OXNAD1: variants seen among roughly 807,000 people sequenced by gnomAD.
OXNAD1 encodes oxidoreductase NAD-binding domain-containing protein 1.
In OXNAD1, 34 loss-of-function variants were observed where a neutral mutation model predicts 32.9. The ratio of observed to expected loss-of-function variants is 1.03; its 90% CI spans 0.79 to 1.38. The LOEUF is 1.38. Among genes scored for constraint, OXNAD1 ranks in the 40% most tolerant of loss-of-function variants. OXNAD1 has a pLI of 0.00. For synonymous variants in OXNAD1, 134 were observed against 135.2 expected (o/e 0.99, Z 0.06); for missense variants, 407 against 379.4 (o/e 1.07, Z -0.60).
At chr3:16,338,191 G>A (rs904518529), downstream of OXNAD1, among the ~76,000 whole-genome samples, 4 of 152,232 alleles carry the variant, frequency 2.6e-5, no homozygotes, top group African/African-American at 9.7e-5. This position sits in a 1 kb window ranked among gnomAD's most constrained non-coding sequence, Gnocchi z 5.3. Context: ...AAGGGGCTAC[G>A]GGATGGAAGG....
At chr3:16,338,576 TAAAA>T (rs1165932353), downstream of OXNAD1, among the ~76,000 whole-genome samples, 2 of 152,160 alleles carry the variant, frequency 1.3e-5, no homozygotes, top group Admixed American at 6.5e-5. This position sits in a 1 kb window ranked among gnomAD's most constrained non-coding sequence, Gnocchi z 5.3. Flanking sequence ...TGATAACAAT[TAAAA>T]AAGAAACATT....
In OXNAD1 at chr3:16,317,813, C is replaced by T. The variant is rs924934992; in HGVS notation, c.*30+14221C>T. Among the ~76,000 whole-genome samples, 11 of 144,734 alleles carry T rather than the reference C, an allele frequency of 7.6e-5. No homozygotes were observed. Among genetic ancestry groups the T allele is most frequent in the African/African-American group, 3.1e-4 (11 of 35,422 alleles). The allele number at this position is 144,734 out of a possible 152,430, so 95.0% of individuals were successfully genotyped here. ...ACCACCACCTCACAGAAGGGTCACA[C>T]CAGGGCAACCTACAACCAATGACTG... On this transcript the variant is annotated intron_variant, in intron 9 of 9. Transcript: ENST00000435829. This position sits in a 1 kb window ranked among gnomAD's most constrained non-coding sequence, Gnocchi z 4.3.
rs2066201512 is a variant in OXNAD1 at position 16,288,236 on chromosome 3, T to C, written c.290+1788T>C. Among the ~76,000 whole-genome samples the C allele has an allele frequency of 6.6e-6, 1 of 152,152 alleles. No homozygotes were observed. The highest frequency in any genetic ancestry group is 1.5e-5 in the Non-Finnish European group (1 of 68,018). On this transcript the variant is annotated intron_variant, in intron 5 of 8. Transcript: ENST00000285083. This position sits in a 1 kb window ranked among gnomAD's most constrained non-coding sequence, Gnocchi z 5.1. ...TTGGTAGTAACAGCCATGTGGTACT[T>C]TGGAGAAGAGGGCAAGGATTAGGGA...
At chr3:16,281,516 G>GA (rs1255250666) in intron 4 of OXNAD1, among the ~76,000 whole-genome samples, 1 of 151,684 alleles carries the variant, frequency 6.6e-6, no homozygotes, top group South Asian at 2.1e-4. Flanking sequence ...TTCCAAAATT[G>GA]AAAAAAAATT....
At chr3:16,350,519 C>T (rs530457841), downstream of OXNAD1, among the ~76,000 whole-genome samples, 3 of 150,672 alleles carry the variant, frequency 2.0e-5, no homozygotes, top group African/African-American at 7.3e-5. Flanking sequence ...AAGGAAAAGG[C>T]ACTCATCCAT....
In OXNAD1 at chr3:16,345,264, T is replaced by TGTGTGTGTGTGTGTGTGTGTGTGTGTG. The variant is rs1553725944; in HGVS notation, c.*31-3912_*31-3911insGTGTGTGTGTGTGTGTGTGTGTGTGTG. ...AAACTGTAAGATAATAAGTAGGTGG[T>TGTGTGTGTGTGTGTGTGTGTGTGTGTG]TGTGTGTGTGTGTGTGTGTGTGTGT... On this transcript the variant is annotated intron_variant, in intron 9 of 9. Coordinates refer to the OXNAD1 transcript ENST00000606098. The surrounding 1 kb of genome is among the most constrained non-coding windows in gnomAD (Gnocchi z 5.2). 6.9e-6 allele frequency: 1 copy of TGTGTGTGTGTGTGTGTGTGTGTGTGTG among 145,838 alleles called. No homozygotes were observed. The highest frequency in any genetic ancestry group is 2.6e-5 in the African/African-American group (1 of 37,754). 9.0% of individuals were successfully genotyped at this position (145,838 alleles called of 1,614,324 possible). A position where few individuals can be genotyped will look rare whatever the true frequency, so the allele number is the denominator to read the frequency against.
rs1200300664 is a variant in OXNAD1 at position 16,335,938 on chromosome 3, C to T, written c.*31-1174C>T. On this transcript the variant is annotated intron_variant, in intron 9 of 9. Coordinates refer to the OXNAD1 transcript ENST00000435829. The surrounding 1 kb of genome is among the most constrained non-coding windows in gnomAD (Gnocchi z 4.7). ...GGCCGACAGCAAGGACTGGTGGCAG[C>T]TGCTAGTGCAGAGGAGGCAGAGCAT... 2.0e-5 allele frequency among the ~76,000 whole-genome samples: 3 copies of T among 152,250 alleles called. No homozygotes were observed. Among genetic ancestry groups the T allele is most frequent in the African/African-American group, 7.2e-5 (3 of 41,470 alleles).
rs573438362 is a variant in OXNAD1, at chr3:16,289,450, A to G, written c.290+3002A>G. On this transcript the variant is annotated intron_variant, in intron 5 of 8. Coordinates refer to ENST00000285083, the MANE Select transcript of OXNAD1 (RefSeq NM_138381.5). This position sits in a 1 kb window ranked among gnomAD's most constrained non-coding sequence, Gnocchi z 4.9. ...CTGGTCCTAGTGTGTCTGACTTTCTACAAGATAACATAAGTTTAGATGCTA... is the reference window on the plus strand; with the variant it reads ...CTGGTCCTAGTGTGTCTGACTTTCTGCAAGATAACATAAGTTTAGATGCTA... Among the ~76,000 whole-genome samples, 1 of 152,302 alleles carries G rather than the reference A, an allele frequency of 6.6e-6. No individual in the cohort carries two copies. Among genetic ancestry groups the G allele is most frequent in the Admixed American group, 6.5e-5 (1 of 15,300 alleles).
At chr3:16,282,313 T>C (rs113404771) in intron 4 of OXNAD1, among the ~76,000 whole-genome samples, 3 of 152,032 alleles carry the variant, frequency 2.0e-5, no homozygotes, top group African/African-American at 7.2e-5. Flanking sequence ...CTCCCATACT[T>C]TTAAACATGA....
chr3:16,343,145 G>A (rs558549995), intron 9 of OXNAD1, among the ~76,000 whole-genome samples: 36 of 152,294 alleles, frequency 2.4e-4, no homozygotes, highest in African/African-American at 8.2e-4. Flanking sequence ...CAGCCAGAAT[G>A]TGAATTTTTA....
chr3:16,323,089 T>C lies in OXNAD1; in HGVS notation c.*31-14023T>C, dbSNP rs544363241. ...CTGCAGCTGACTTCGTGCCCTTCTT[T>C]TCATCCTAGTGGGAATATCTAGCAG... On this transcript the variant is annotated intron_variant, in intron 9 of 9. Transcript: ENST00000435829. Among the ~76,000 whole-genome samples the C allele has an allele frequency of 5.0e-4, 76 of 152,300 alleles. 2 individuals carry two copies. The South Asian group carries it at 0.015, about 30-fold the overall frequency.
intron 2 of OXNAD1, 130 bp from the exon 3 acceptor site, chr3:16,270,815 T>G: frequency 1.2e-5 from 16 of 1,351,122 alleles, no homozygotes; most frequent in Non-Finnish European, 1.5e-5. Flanking sequence ...TCTTGGCTGC[T>G]TTGGTGGTAA....
Position 16,286,343 on chromosome 3 carries a change from T to C in OXNAD1, c.185T>C (p.Ile62Thr), listed in dbSNP as rs2066070539. Residue 62 changes from isoleucine (I) to threonine (T), a missense_variant and splice_region_variant, in exon 5 of 9, where the codon ATT (isoleucine) becomes ACT (threonine). By Grantham distance (89) the Ile-to-Thr change is moderately conservative. Transcript: ENST00000285083. ...ERTASVLRRE[I>T]VSAAKVCGAA... The stretch of plus-strand genomic sequence containing the variant: ...CCACAGTTCATCTTTTGGTTTTAGA[T>C]TGTGTCAGCAGCTAAGGTGTGTGGA... 1.2e-6 allele frequency: 2 copies of C among 1,612,056 alleles called. No individual in the cohort carries two copies. The highest frequency in any genetic ancestry group is 1.1e-5 in the South Asian group (1 of 91,050).
chr3:16,328,573 C>T lies in OXNAD1; in HGVS notation c.*31-8539C>T, dbSNP rs1574988011. Among the ~76,000 whole-genome samples the T allele has an allele frequency of 3.3e-5, 5 of 152,330 alleles. No homozygotes were observed. The South Asian group carries it at 1.0e-3, about 32-fold the overall frequency. On this transcript the variant is annotated intron_variant, in intron 9 of 9. Coordinates refer to the OXNAD1 transcript ENST00000435829. Reference sequence around the variant, plus strand: ...ATCCCTTGGCAGCCTCCCTTTCCTCCGCTGTATAAAATGGGTACTGGTCTA... The same window carrying T: ...ATCCCTTGGCAGCCTCCCTTTCCTCTGCTGTATAAAATGGGTACTGGTCTA...
rs753571386 is a variant in OXNAD1, at chr3:16,284,252, A to G, written c.184-2090A>G. Among the ~76,000 whole-genome samples the G allele has an allele frequency of 1.8e-4, 28 of 152,232 alleles. No individual in the cohort carries two copies. The highest frequency in any genetic ancestry group is 2.6e-4 in the Non-Finnish European group (18 of 68,038). ...TGGTGGCATATATAGTTATAAATGA[A>G]TAAAATGTAATATATAATGTAAACA... is the stretch of plus-strand genomic sequence containing the variant. On this transcript the variant is annotated intron_variant, in intron 4 of 8. Coordinates refer to ENST00000285083, the MANE Select transcript of OXNAD1 (RefSeq NM_138381.5). This position sits in a 1 kb window ranked among gnomAD's most constrained non-coding sequence, Gnocchi z 4.1.
Position 16,335,237 on chromosome 3 carries a change from G to A in OXNAD1, c.*31-1875G>A, listed in dbSNP as rs891543256. 1.1e-4 allele frequency among the ~76,000 whole-genome samples: 17 copies of A among 152,236 alleles called. No individual in the cohort carries two copies. The highest frequency in any genetic ancestry group is 2.2e-4 in the Non-Finnish European group (15 of 68,042). On this transcript the variant is annotated intron_variant, in intron 9 of 9. Coordinates refer to the OXNAD1 transcript ENST00000435829. The surrounding 1 kb of genome is among the most constrained non-coding windows in gnomAD (Gnocchi z 4.7). The stretch of plus-strand genomic sequence containing the variant: ...TAAACACTTGGAGGTGCTGACAGAT[G>A]CAGGGTAGGTGAAAACTCCTGGAGG...
Position 16,316,581 on chromosome 3 carries a change from C to T in OXNAD1, c.*30+12989C>T. On this transcript the variant is annotated intron_variant, in intron 9 of 9. Coordinates refer to the OXNAD1 transcript ENST00000435829. This position sits in a 1 kb window ranked among gnomAD's most constrained non-coding sequence, Gnocchi z 4.5. ...AGGACTGGGCCTTCAGCCATGAGGG[C>T]TAGAATAACCTGACCTCTTGCATTC... 1 of 549,640 alleles carries T rather than the reference C, an allele frequency of 1.8e-6. No homozygotes were observed. The highest frequency in any genetic ancestry group is 3.2e-5 in the East Asian group (1 of 30,952). The allele number at this position is 549,640 out of a possible 1,614,324, so 34.0% of individuals were successfully genotyped here.
chr3:16,321,255 G>A lies in OXNAD1; in HGVS notation c.*31-15857G>A, dbSNP rs192742647. ...TGCAGTGAGGGCTGAAAATGCAGGCGGAATGGTCATTGGCACAGAGGTGGT... is the reference window on the plus strand; with the variant it reads ...TGCAGTGAGGGCTGAAAATGCAGGCAGAATGGTCATTGGCACAGAGGTGGT... On this transcript the variant is annotated intron_variant, in intron 9 of 9. Coordinates refer to the OXNAD1 transcript ENST00000435829. This position sits in a 1 kb window ranked among gnomAD's most constrained non-coding sequence, Gnocchi z 4.8. 3.6e-4 allele frequency among the ~76,000 whole-genome samples: 55 copies of A among 152,250 alleles called. No individual in the cohort carries two copies. In the East Asian group the frequency reaches 9.3e-3, roughly 26 times the overall value.
downstream of OXNAD1, among the ~76,000 whole-genome samples, chr3:16,310,587 G>T (rs116446963): frequency 2.2e-3 from 336 of 152,278 alleles, 2 homozygotes; most frequent in African/African-American, 7.9e-3. Flanking sequence ...CTGGATGAAT[G>T]AATATCTCTA....
Sources: allele counts gnomAD v4.1 joint callset (sites outside exome capture counted in the v4.1 genomes callset), GRCh38; gene constraint gnomAD v4.1.1; non-coding constraint Gnocchi (gnomAD v3.1); transcripts MANE v1.5; gene names NCBI Gene and HGNC (gene_info 2026-07-23, HGNC 2026-07-21).